ATP2B3: variants seen among roughly 807,000 people sequenced by gnomAD.
ATP2B3 encodes plasma membrane calcium-transporting ATPase 3.
Under a neutral mutation model 70.8 loss-of-function variants are expected in ATP2B3, and 12 were observed. That is an observed-to-expected ratio of 0.17 (90% CI 0.11 to 0.27). ATP2B3 has a LOEUF of 0.27. ATP2B3 is among the 10% of genes least tolerant of loss of function. The pLI is 1.00. For synonymous variants in ATP2B3, 460 were observed against 497.8 expected, an observed-to-expected ratio of 0.92 and a Z score of 1.01; for missense variants, 858 against 1,118.5, an observed-to-expected ratio of 0.77 and a Z score of 3.32.
intron 21 of ATP2B3, among the ~76,000 whole-genome samples, chrX:153,566,084 C>T (rs1343130734): frequency 2.7e-5 from 3 of 112,667 alleles, no homozygotes; most frequent in Admixed American, 9.3e-5. Context: ...CCTCTCCCAC[C>T]GCAGCCCCTG....
intron 2 of ATP2B3, among the ~76,000 whole-genome samples, chrX:153,532,635 T>C (rs1557002309): frequency 8.9e-6 from 1 of 112,137 alleles, no homozygotes; most frequent in Non-Finnish European, 1.9e-5. Context: ...ATGGTGCAAA[T>C]GCCGGAAGGT....
chrX:153,518,960 C>T (rs1218209635), intron 2 of ATP2B3, among the ~76,000 whole-genome samples: 3 of 111,562 alleles, frequency 2.7e-5, no homozygotes, highest in Non-Finnish European at 5.7e-5. Flanking sequence ...TCCACTGGCA[C>T]CCTAAACGTC....
At position 153,558,202 on chromosome X, in the gene ATP2B3, G is replaced by T. The variant is rs1557014736; in HGVS notation, c.2524G>T (p.Gly842Cys). The change falls in exon 17 of 22, where the codon GGC (glycine) becomes TGC (cysteine). Residue 842 changes from glycine (G) to cysteine (C), a missense_variant. This residue lies in a region of ATP2B3 where 50 missense variants were observed against 106.7 expected (regional missense o/e 0.47). Coordinates refer to ENST00000263519, the MANE Select transcript of ATP2B3 (RefSeq NM_001001344.3). ...FTSIVKAVMWGRNVYDSISKF... is the reference protein window; with the variant it reads ...FTSIVKAVMWCRNVYDSISKF... Reference sequence around the variant, plus strand: ...CAGCATCGTCAAGGCAGTCATGTGGGGCCGTAACGTCTATGACAGCATCTC... The same window carrying T: ...CAGCATCGTCAAGGCAGTCATGTGGTGCCGTAACGTCTATGACAGCATCTC... The T allele has an allele frequency of 8.3e-7, 1 of 1,211,504 alleles. No homozygotes were observed.
At chrX:153,542,211 G>A (rs1410307581) in intron 5 of ATP2B3, 112 bp from the exon 6 acceptor site, 2 of 1,088,851 alleles carry the variant, frequency 1.8e-6, no homozygotes, top group African/African-American at 3.7e-5. Flanking sequence ...CCCAGAAGGA[G>A]GAGGGCTCCT....
At chrX:153,555,576 T>TC (rs2090521604) in intron 13 of ATP2B3, among the ~76,000 whole-genome samples, 1 of 111,302 alleles carries the variant, frequency 9.0e-6, no homozygotes, top group African/African-American at 3.3e-5. Flanking sequence ...GTCTTCCCTG[T>TC]CCCCCCACCA....
chrX:153,544,994 G>A (rs7878292), intron 7 of ATP2B3, among the ~76,000 whole-genome samples: 9,537 of 112,496 alleles, frequency 0.085, 384 homozygotes, highest in African/African-American at 0.15. Flanking sequence ...TCTTGTGTCC[G>A]TGGGGGTCTC....
chrX:153,549,770 C>T, intron 11 of ATP2B3, 31 bp downstream of exon 11: 2 of 1,194,265 alleles, frequency 1.7e-6, no homozygotes, highest in Non-Finnish European at 2.3e-6. Context: ...GCGGGCAGGG[C>T]CGGGGGCAGG....
rs782434578 is a variant in ATP2B3 at position 153,553,113 on chromosome X, C to T, written c.1902C>T (p.Ile634=). The T allele has an allele frequency of 8.3e-7, 1 of 1,210,114 alleles. No individual in the cohort carries two copies. The highest frequency in any genetic ancestry group is 1.1e-6 in the Non-Finnish European group (1 of 894,064). ...PRDRDDMVRK[I]IEPMACDGLR... The stretch of plus-strand genomic sequence containing the variant: ...ACCGGGACGACATGGTGAGGAAGAT[C>T]ATCGAGCCGATGGCTTGCGATGGCC... The change falls in exon 13 of 22, where the codon ATC becomes ATT. Residue 634 remains isoleucine, a synonymous_variant. Coordinates refer to ENST00000263519, the MANE Select transcript of ATP2B3 (RefSeq NM_001001344.3).
chrX:153,534,369 C>T (rs1557003041), intron 2 of ATP2B3, among the ~76,000 whole-genome samples: 1 of 112,064 alleles, frequency 8.9e-6, no homozygotes, highest in African/African-American at 3.2e-5. Flanking sequence ...CCACACAGCA[C>T]CCCCAGAAGG....
Position 153,536,279 on chromosome X carries a change from TC to T in ATP2B3, c.34del (p.His12ThrfsTer52). ...GACATGGCCAATAGTTCCATCGAGT[TC>T]CACCCCAAGCCCCAGCAGCAGCGGG... MGDMANSSIE[F>X]HPKPQQQRDV... On this transcript the variant is annotated frameshift_variant, in exon 3 of 22. Transcript: ENST00000263519. LOFTEE classifies it high-confidence loss of function. The T allele has an allele frequency of 8.3e-7, 1 of 1,198,648 alleles. No homozygotes were observed. Among genetic ancestry groups the T allele is most frequent in the Non-Finnish European group, 1.1e-6 (1 of 888,917 alleles).
chrX:153,528,926 G>C (rs1276524297), intron 2 of ATP2B3, among the ~76,000 whole-genome samples: 1 of 112,795 alleles, frequency 8.9e-6, no homozygotes, highest in Non-Finnish European at 1.9e-5. Context: ...GTCATGGTTA[G>C]CTGCAAGGGA....
intron 17 of ATP2B3, 44 bp from the exon 18 acceptor site, chrX:153,559,685 C>A (rs1557015322): frequency 1.7e-6 from 2 of 1,168,107 alleles, no homozygotes; most frequent in Non-Finnish European, 2.3e-6. Context: ...CCCAACCTTC[C>A]CGGGCAGGCG....
intron 2 of ATP2B3, among the ~76,000 whole-genome samples, chrX:153,530,786 G>C (rs916996330): frequency 2.7e-5 from 3 of 109,496 alleles, no homozygotes; most frequent in African/African-American, 1.0e-4. Flanking sequence ...CAGGAACAGG[G>C]GGAGGAAGGA....
At chrX:153,569,367 T>C in intron 21 of ATP2B3, 1 of 541,243 alleles carries the variant, frequency 1.8e-6, no homozygotes, top group Non-Finnish European at 3.3e-6. Context: ...CCCTTCCCAA[T>C]CTCATGACCA....
At chrX:153,567,310 C>G (rs1272355648) in intron 21 of ATP2B3, among the ~76,000 whole-genome samples, 1 of 113,502 alleles carries the variant, frequency 8.8e-6, no homozygotes, top group Non-Finnish European at 1.9e-5. Context: ...GCATTCACAT[C>G]TCCCCCAGTG....
At position 153,558,384 on chromosome X, in the gene ATP2B3, G is replaced by A. The variant is rs781984480; in HGVS notation, c.2625+81G>A. On this transcript the variant is annotated intron_variant, in intron 17 of 21. Coordinates refer to ENST00000263519, the MANE Select transcript of ATP2B3 (RefSeq NM_001001344.3). ...GCCAGATTGTGAGAGTGAGGGTTTT[G>A]TTTTCTTTGCTGCAGATTATTTTAA... is the stretch of plus-strand genomic sequence containing the variant. 1.4e-3 allele frequency: 1,346 copies of A among 958,707 alleles called. 5 individuals carry two copies. The highest frequency in any genetic ancestry group is 1.8e-3 in the Non-Finnish European group (1,307 of 710,168). 79.0% of individuals were successfully genotyped at this position (958,707 alleles called of 1,213,427 possible).
rs143336010 is a variant in ATP2B3 at position 153,541,883 on chromosome X, C to T, written c.621C>T (p.Pro207=). 2.1e-5 allele frequency: 25 copies of T among 1,209,554 alleles called. No homozygotes were observed. Among genetic ancestry groups the T allele is most frequent in the Middle Eastern group, 2.3e-4 (1 of 4,375 alleles). The change falls in exon 5 of 22, where the codon CCC becomes CCT. Residue 207 remains proline (P), a synonymous_variant. Coordinates refer to ENST00000263519, the MANE Select transcript of ATP2B3 (RefSeq NM_001001344.3). ...VIRNGQLLQV[P]VAALVVGDIA... is the part of the protein sequence containing the mutation. Reference sequence around the variant, plus strand: ...GGAACGGGCAGCTCCTCCAGGTCCCCGTGGCTGCGCTGGTGGTGGGGGACA... The same window carrying T: ...GGAACGGGCAGCTCCTCCAGGTCCCTGTGGCTGCGCTGGTGGTGGGGGACA...
intron 2 of ATP2B3, among the ~76,000 whole-genome samples, chrX:153,531,687 C>T (rs781837700): frequency 4.4e-5 from 5 of 112,649 alleles, no homozygotes; most frequent in Non-Finnish European, 9.4e-5. Context: ...GCCCAGGAGC[C>T]GCATGTTCTC....
chrX:153,542,071 GTGGGGGAGGT>G, intron 5 of ATP2B3, 145 bp downstream of exon 5: 2 of 560,433 alleles, frequency 3.6e-6, no homozygotes, highest in Non-Finnish European at 4.8e-6. Context: ...GGTGGCGGGG[GTGGGGGAGGT>G]GGGGGAACAC....
Sources: allele counts gnomAD v4.1 joint callset (sites outside exome capture counted in the v4.1 genomes callset), GRCh38; gene constraint gnomAD v4.1.1; regional missense constraint gnomAD v4.1.1; transcripts MANE v1.5; gene names NCBI Gene and HGNC (gene_info 2026-07-23, HGNC 2026-07-21).